Variants in ARHGAP32 observed in about 807,000 individuals in gnomAD.
ARHGAP32 encodes Rho GTPase activating protein 32.
In ARHGAP32, 51 loss-of-function variants were observed where a neutral mutation model predicts 186.5. The observed-to-expected ratio is 0.27, with a 90% CI of 0.22 to 0.35. The LOEUF is 0.35. ARHGAP32 is among the 10% of genes least tolerant of loss of function. The probability of loss-of-function intolerance (pLI) is 1.00; values close to 1 mark genes in which losing one functional copy is unlikely to be tolerated. For synonymous variants in ARHGAP32, 950 were observed against 964.3 expected (o/e 0.99, Z 0.27); for missense variants, 2,186 against 2,623.5 (o/e 0.83, Z 3.64).
chr11:129,194,386 T>C (rs1944362842), upstream of ARHGAP32, among the ~76,000 whole-genome samples: 1 of 151,964 alleles, frequency 6.6e-6, no homozygotes, highest in Non-Finnish European at 1.5e-5. Context: ...AGAATACCCA[T>C]AGAATGGAAT....
intron 2 of ARHGAP32, among the ~76,000 whole-genome samples, chr11:129,146,223 G>C (rs1446164275): frequency 1.3e-5 from 2 of 152,046 alleles, no homozygotes; most frequent in Non-Finnish European, 2.9e-5. Flanking sequence ...ACAAGTTGAT[G>C]GGTTAAAAAG....
At chr11:129,035,201 AC>A (rs1277475510) in intron 11 of ARHGAP32, among the ~76,000 whole-genome samples, 3 of 135,380 alleles carry the variant, frequency 2.2e-5, no homozygotes, top group African/African-American at 8.0e-5. Flanking sequence ...TCTCTATCAA[AC>A]TCTTACCTTC....
intron 10 of ARHGAP32, among the ~76,000 whole-genome samples, chr11:129,051,136 A>G (rs926237686): frequency 1.8e-4 from 27 of 152,348 alleles, no homozygotes; most frequent in Middle Eastern, 6.8e-3. Flanking sequence ...AGAATAATTT[A>G]TAATCCTTTG....
chr11:129,092,966 G>A (rs77590280), intron 6 of ARHGAP32, among the ~76,000 whole-genome samples: 2,927 of 152,008 alleles, frequency 0.019, 93 homozygotes, highest in African/African-American at 0.066. Context: ...CTTACATGAT[G>A]GGGGAAATAA....
intron 1 of ARHGAP32, among the ~76,000 whole-genome samples, chr11:129,240,900 T>C (rs1052706190): frequency 6.6e-5 from 10 of 152,230 alleles, no homozygotes; most frequent in South Asian, 2.1e-4. Flanking sequence ...ACAGAGGAAA[T>C]AGAAAGAAAG....
chr11:129,112,708 T>C (rs1024114026), intron 5 of ARHGAP32, among the ~76,000 whole-genome samples: 8 of 152,194 alleles, frequency 5.3e-5, no homozygotes, highest in Non-Finnish European at 1.2e-4. Context: ...CAAACCATCC[T>C]TTGCTGGCAT....
At chr11:129,217,111 T>G (rs1944658256) in intron 1 of ARHGAP32, among the ~76,000 whole-genome samples, 3 of 152,214 alleles carry the variant, frequency 2.0e-5, no homozygotes, top group Non-Finnish European at 4.4e-5. Flanking sequence ...TTTTTATAGT[T>G]TTGACTTTAT....
chr11:129,234,991 A>G (rs1944909564), intron 1 of ARHGAP32, among the ~76,000 whole-genome samples: 1 of 152,228 alleles, frequency 6.6e-6, no homozygotes, highest in South Asian at 2.1e-4. Context: ...AGACTGCACT[A>G]TTTAGAAAAC....
At chr11:128,992,858 T>C (rs1591510469) in intron 12 of ARHGAP32, among the ~76,000 whole-genome samples, 1 of 152,186 alleles carries the variant, frequency 6.6e-6, no homozygotes, top group East Asian at 1.9e-4. Context: ...AAAAAAGTAC[T>C]ATGTGGGCAG....
At position 128,973,217 on chromosome 11, in the gene ARHGAP32, T is replaced by C. The variant is rs1296779648; in HGVS notation, c.3289A>G (p.Asn1097Asp). The change falls in exon 22 of 23, where the codon AAT (asparagine) becomes GAT (aspartate). Residue 1097 changes from asparagine (N) to aspartate (D), a missense_variant. This residue lies in a region of ARHGAP32 where 1,502 missense variants were observed against 1,570.0 expected (regional missense o/e 0.96). Coordinates refer to ENST00000682385, the MANE Select transcript of ARHGAP32 (RefSeq NM_001378024.1). ...GDIAVATTEDNLSSSYSAVAL... is the reference protein window; with the variant it reads ...GDIAVATTEDDLSSSYSAVAL... ...ACTGCAGAGTAAGAACTGGACAGAT[T>C]ATCTTCAGTTGTAGCCACCGCTATG... 6.2e-7 allele frequency: 1 copy of C among 1,614,074 alleles called. No homozygotes were observed. The highest frequency in any genetic ancestry group is 8.5e-7 in the Non-Finnish European group (1 of 1,180,038).
At chr11:129,196,854 C>T (rs1465331609), upstream of ARHGAP32, among the ~76,000 whole-genome samples, 1 of 151,972 alleles carries the variant, frequency 6.6e-6, no homozygotes, top group African/African-American at 2.4e-5. Context: ...GTCTGGAGTT[C>T]GAGACCAGCC....
At chr11:129,035,474 C>T (rs1331215803) in intron 11 of ARHGAP32, among the ~76,000 whole-genome samples, 2 of 152,040 alleles carry the variant, frequency 1.3e-5, no homozygotes, top group African/African-American at 2.4e-5. Flanking sequence ...TTGTTTATAC[C>T]GTAGGCAAAG....
Position 129,062,271 on chromosome 11 carries a change from G to A in ARHGAP32, c.963+9C>T. On this transcript the variant is annotated intron_variant, in intron 10 of 22. Coordinates refer to ENST00000682385, the MANE Select transcript of ARHGAP32 (RefSeq NM_001378024.1). ...TGAATTTTCCCACACCTAATTTGCT[G>A]CTGCCTACCTGGAATCCGTGCTTGC... The A allele has an allele frequency of 6.2e-7, 1 of 1,612,372 alleles. No individual in the cohort carries two copies. Among genetic ancestry groups the A allele is most frequent in the Non-Finnish European group, 8.5e-7 (1 of 1,178,886 alleles).
intron 1 of ARHGAP32, among the ~76,000 whole-genome samples, chr11:129,208,688 G>A (rs1296647848): frequency 6.8e-6 from 1 of 147,614 alleles, no homozygotes; most frequent in Non-Finnish European, 1.5e-5. Context: ...TTTTGAGACA[G>A]AGTCTTGCTC....
At chr11:129,222,395 G>C (rs887379070) in intron 1 of ARHGAP32, among the ~76,000 whole-genome samples, 2 of 152,132 alleles carry the variant, frequency 1.3e-5, no homozygotes, top group African/African-American at 4.8e-5. Context: ...AAGTAAAAAA[G>C]CCGGAGAACT....
At chr11:129,212,874 C>A (rs1312707270) in intron 1 of ARHGAP32, among the ~76,000 whole-genome samples, 2 of 147,818 alleles carry the variant, frequency 1.4e-5, no homozygotes, top group Admixed American at 1.3e-4. Flanking sequence ...AATTGTGATC[C>A]AGAATTCTTA....
At chr11:129,229,267 C>T (rs887362851) in intron 1 of ARHGAP32, among the ~76,000 whole-genome samples, 1 of 152,026 alleles carries the variant, frequency 6.6e-6, no homozygotes, top group Non-Finnish European at 1.5e-5. Context: ...AAAGTGTGTA[C>T]TGACAGAAAA....
At chr11:129,231,738 G>A (rs1037763166) in intron 1 of ARHGAP32, among the ~76,000 whole-genome samples, 14 of 152,006 alleles carry the variant, frequency 9.2e-5, no homozygotes, top group Admixed American at 2.0e-4. Context: ...AGTCAGCTAA[G>A]GCCTTTCTTA....
chr11:129,212,978 A>AT (rs1430026202), intron 1 of ARHGAP32, among the ~76,000 whole-genome samples: 1 of 152,016 alleles, frequency 6.6e-6, no homozygotes, highest in Non-Finnish European at 1.5e-5. Flanking sequence ...AACATGATTA[A>AT]TTTGAGTCTC....
Sources: gnomAD v4.1 joint callset for allele counts (sites outside exome capture counted in the v4.1 genomes callset) on GRCh38, gnomAD v4.1.1 for gene constraint, gnomAD v4.1.1 regional missense constraint, MANE v1.5 for transcripts, NCBI Gene and HGNC (gene_info 2026-07-23, HGNC 2026-07-21) for gene names.